Variants in ANKRD44 observed in about 807,000 individuals in gnomAD.
The protein encoded by ANKRD44 is ankyrin repeat domain 44.
In ANKRD44, 35 loss-of-function variants were observed where a neutral mutation model predicts 116.0. The observed-to-expected ratio is 0.30, with a 90% CI of 0.23 to 0.40. ANKRD44 has a LOEUF of 0.40. ANKRD44 is among the 10% of genes least tolerant of loss of function. The pLI is 1.00. For synonymous variants in ANKRD44, 435 were observed against 461.8 expected (o/e 0.94, Z 0.74); for missense variants, 1,014 against 1,242.6 (o/e 0.82, Z 2.77).
intron 1 of ANKRD44, among the ~76,000 whole-genome samples, chr2:197,230,761 C>T (rs2081839844): frequency 6.6e-6 from 1 of 152,132 alleles, no homozygotes; most frequent in Admixed American, 6.5e-5. Flanking sequence ...CTGTGCTCCA[C>T]GTAGTCATTC....
At chr2:196,996,587 G>T (rs1330426503) in intron 25 of ANKRD44, among the ~76,000 whole-genome samples, 1 of 152,150 alleles carries the variant, frequency 6.6e-6, no homozygotes, top group African/African-American at 2.4e-5. Flanking sequence ...TTGTGACCTC[G>T]TAAGAGGGCA....
Position 196,987,967 on chromosome 2 carries a change from GAGAA to G in ANKRD44, c.*1620_*1623del, listed in dbSNP as rs1197909335. ...ATTTTGCCTTGGGGTATGGGAGAAAGAGAAAGAGAGGAAGAGAGAGAGAGAGAGA... is the reference window on the plus strand; with the variant it reads ...ATTTTGCCTTGGGGTATGGGAGAAAGAGAGAGGAAGAGAGAGAGAGAGAGA... On this transcript the variant is annotated 3_prime_UTR_variant, in exon 28 of 28. Coordinates refer to ENST00000282272, the MANE Select transcript of ANKRD44 (RefSeq NM_001195144.2). 7.1e-6 allele frequency: 7 copies of G among 985,190 alleles called. No individual in the cohort carries two copies. Among genetic ancestry groups the G allele is most frequent in the Non-Finnish European group, 6.0e-6 (5 of 829,904 alleles). 61.0% of individuals were successfully genotyped at this position (985,190 alleles called of 1,614,324 possible).
intron 2 of ANKRD44, among the ~76,000 whole-genome samples, chr2:197,149,237 C>T (rs2125441456): frequency 6.6e-6 from 1 of 152,170 alleles, no homozygotes; most frequent in South Asian, 2.1e-4. Context: ...GGGACTATTC[C>T]AACCCAAATT....
At chr2:197,221,814 C>A (rs1231547802) in intron 1 of ANKRD44, among the ~76,000 whole-genome samples, 1 of 152,168 alleles carries the variant, frequency 6.6e-6, no homozygotes, top group African/African-American at 2.4e-5. Context: ...ATTCGATCAG[C>A]CAAAGCTGAG....
At chr2:197,009,058 T>C in intron 18 of ANKRD44, 27 bp from the exon 19 acceptor site, 1 of 1,580,430 alleles carries the variant, frequency 6.3e-7, no homozygotes, top group Non-Finnish European at 8.7e-7. Context: ...TGGACAGTCT[T>C]TTAACAGAAC....
chr2:197,254,518 C>T (rs2082395988), intron 1 of ANKRD44, among the ~76,000 whole-genome samples: 1 of 152,042 alleles, frequency 6.6e-6, no homozygotes, highest in Non-Finnish European at 1.5e-5. Context: ...TAATTATTCT[C>T]CCTTATGGTT....
At chr2:197,036,541 T>C (rs986903169) in intron 16 of ANKRD44, among the ~76,000 whole-genome samples, 2 of 152,180 alleles carry the variant, frequency 1.3e-5, no homozygotes, top group Non-Finnish European at 2.9e-5. Context: ...AGGCGGTCTA[T>C]GCAACTTTTA....
intron 1 of ANKRD44, among the ~76,000 whole-genome samples, chr2:197,207,610 C>G (rs1378119022): frequency 6.6e-6 from 1 of 152,186 alleles, no homozygotes; most frequent in African/African-American, 2.4e-5. Context: ...TCTCAAATCA[C>G]TGAGAAAGAT....
At chr2:196,990,018 C>T in intron 27 of ANKRD44, 1 of 1,050,774 alleles carries the variant, frequency 9.5e-7, no homozygotes, top group African/African-American at 1.7e-5. Context: ...TAGTCACAGG[C>T]TTGTTATAGG....
At chr2:197,233,777 G>T (rs144780741) in intron 1 of ANKRD44, among the ~76,000 whole-genome samples, 158 of 152,328 alleles carry the variant, frequency 1.0e-3, no homozygotes, top group Non-Finnish European at 1.0e-3. Context: ...TGTTCTAGCA[G>T]TTTTCTCTCA....
Position 197,039,680 on chromosome 2 carries a change from C to CGTGT in ANKRD44, c.1651-14417_1651-14414dup, listed in dbSNP as rs10535447. Among the ~76,000 whole-genome samples the CGTGT allele has an allele frequency of 2.7e-4, 38 of 141,554 alleles. 1 individual carries two copies. The highest frequency in any genetic ancestry group is 7.7e-4 in the African/African-American group (29 of 37,548). 92.9% of individuals were successfully genotyped at this position (141,554 alleles called of 152,430 possible). ...GTGTGGTGGTGATTGTGTGTGTGTG[C>CGTGT]GTGTGTGTGTGTGTGTGTGTGTGTG... On this transcript the variant is annotated intron_variant, in intron 16 of 27. Coordinates refer to ENST00000282272, the MANE Select transcript of ANKRD44 (RefSeq NM_001195144.2).
chr2:197,116,125 A>G (rs1389745157), intron 8 of ANKRD44, among the ~76,000 whole-genome samples: 1 of 152,218 alleles, frequency 6.6e-6, no homozygotes, highest in African/African-American at 2.4e-5. Context: ...GTATCACAGA[A>G]GCTGAAGTCC....
At chr2:197,135,012 G>A (rs1048482187) in intron 4 of ANKRD44, 4 of 152,160 alleles carry the variant, frequency 2.6e-5, no homozygotes, top group African/African-American at 9.7e-5. Flanking sequence ...GTCTGAGCCA[G>A]GCAATTTAGG....
At chr2:197,021,197 T>C (rs545368475) in intron 17 of ANKRD44, among the ~76,000 whole-genome samples, 5 of 152,356 alleles carry the variant, frequency 3.3e-5, no homozygotes, top group East Asian at 1.9e-4. Context: ...CAGCCTATCA[T>C]TGATGGACAT....
At chr2:196,999,186 C>A (rs1285671894) in intron 23 of ANKRD44, 134 bp from the exon 24 acceptor site, 1 of 1,050,206 alleles carries the variant, frequency 9.5e-7, no homozygotes, top group East Asian at 2.6e-5. Flanking sequence ...TGATCAGGTC[C>A]CCTCCCTCTA....
intron 21 of ANKRD44, among the ~76,000 whole-genome samples, chr2:196,979,646 C>G (rs2075786966): frequency 7.1e-6 from 1 of 140,622 alleles, no homozygotes. Context: ...TCACCACAAA[C>G]TCTGCCTCCC....
At chr2:197,065,598 T>C (rs1173094525) in intron 16 of ANKRD44, among the ~76,000 whole-genome samples, 1 of 151,806 alleles carries the variant, frequency 6.6e-6, no homozygotes, top group Non-Finnish European at 1.5e-5. Flanking sequence ...ATAGATGAAA[T>C]AAAAAATGAT....
intron 4 of ANKRD44, among the ~76,000 whole-genome samples, chr2:197,130,851 T>C (rs1028579106): frequency 6.6e-6 from 1 of 152,220 alleles, no homozygotes; most frequent in African/African-American, 2.4e-5. Flanking sequence ...AAAATGCTTA[T>C]CCTGCTCAGC....
intron 4 of ANKRD44, among the ~76,000 whole-genome samples, chr2:197,129,527 T>C (rs372220598): frequency 7.2e-4 from 109 of 152,292 alleles, no homozygotes; most frequent in Non-Finnish European, 1.3e-3. Flanking sequence ...TGTTTTAGGA[T>C]TGTAGGCCTT....
Sources: gnomAD v4.1 joint callset for allele counts (sites outside exome capture counted in the v4.1 genomes callset) on GRCh38, gnomAD v4.1.1 for gene constraint, MANE v1.5 for transcripts, NCBI Gene and HGNC (gene_info 2026-07-23, HGNC 2026-07-21) for gene names.